The following CSMD1 variants were observed in gnomAD, a reference collection of about 807,000 sequenced individuals.
CSMD1 encodes the protein CUB and sushi domain-containing protein 1.
CSMD1 carries 213 observed loss-of-function variants against 417.5 expected under a neutral mutation model. The observed-to-expected ratio is 0.51, with a 90% CI of 0.46 to 0.57. The LOEUF is 0.57. CSMD1 is among the 20% of genes least tolerant of loss of function. The pLI, the probability that CSMD1 is intolerant of heterozygous loss-of-function variation, is 0.00. For synonymous variants in CSMD1, 2,862 were observed against 1,736.8 expected (o/e 1.65, Z -16.11); for missense variants, 6,923 against 4,529.7 (o/e 1.53, Z -15.17).
intron 54 of CSMD1, among the ~76,000 whole-genome samples, chr8:2,979,660 C>T (rs1373202274): frequency 6.6e-6 from 1 of 152,132 alleles, no homozygotes; most frequent in Non-Finnish European, 1.5e-5. Context: ...GAAGACAAAC[C>T]CTGTACCCAA....
intron 12 of CSMD1, among the ~76,000 whole-genome samples, chr8:3,416,779 G>C (rs1359494144): frequency 6.6e-6 from 1 of 152,216 alleles, no homozygotes; most frequent in Non-Finnish European, 1.5e-5. Flanking sequence ...CTACACTGCT[G>C]TGTGTTCTTT....
chr8:4,533,515 T>C (rs17070498), intron 2 of CSMD1, among the ~76,000 whole-genome samples: 18,255 of 152,172 alleles, frequency 0.12, 1,442 homozygotes, highest in Admixed American at 0.22. Flanking sequence ...TTGAAGAACA[T>C]AGTACAGACC....
At chr8:3,450,065 C>T (rs912570148) in intron 12 of CSMD1, among the ~76,000 whole-genome samples, 29 of 152,272 alleles carry the variant, frequency 1.9e-4, no homozygotes, top group African/African-American at 5.8e-4. Context: ...GAGACACATA[C>T]GAAATTCGGA....
chr8:3,802,818 C>A (rs968796384), intron 5 of CSMD1, among the ~76,000 whole-genome samples: 1 of 152,156 alleles, frequency 6.6e-6, no homozygotes, highest in African/African-American at 2.4e-5. Flanking sequence ...CGATTCGTTT[C>A]TCCATCAAGT....
chr8:4,132,489 A>G (rs1235839064), intron 3 of CSMD1, among the ~76,000 whole-genome samples: 4 of 152,212 alleles, frequency 2.6e-5, no homozygotes, highest in Non-Finnish European at 4.4e-5. Flanking sequence ...CATGGGTAGT[A>G]TAATACATTT....
chr8:3,666,079 A>G (rs1454051884), intron 7 of CSMD1, among the ~76,000 whole-genome samples: 5 of 152,154 alleles, frequency 3.3e-5, no homozygotes, highest in African/African-American at 1.2e-4. Context: ...TATCTGTAGT[A>G]GAGACAGTGT....
At chr8:3,694,304 T>TA (rs1800426234) in intron 7 of CSMD1, among the ~76,000 whole-genome samples, 2 of 152,004 alleles carry the variant, frequency 1.3e-5, no homozygotes, top group Admixed American at 1.3e-4. Flanking sequence ...AGACGTCGGC[T>TA]TCCAGGAGCA....
intron 41 of CSMD1, among the ~76,000 whole-genome samples, chr8:3,126,017 G>A (rs1359960367): frequency 1.3e-5 from 2 of 152,166 alleles, no homozygotes; most frequent in Non-Finnish European, 2.9e-5. Flanking sequence ...ATCAACACAT[G>A]AAGAAATCTA....
chr8:4,001,543 T>G (rs1256642511), intron 4 of CSMD1, among the ~76,000 whole-genome samples: 1 of 152,182 alleles, frequency 6.6e-6, no homozygotes. Flanking sequence ...TGAGCATACC[T>G]CACTGCCATG....
At chr8:3,674,166 A>G (rs1356170928) in intron 7 of CSMD1, among the ~76,000 whole-genome samples, 1 of 152,212 alleles carries the variant, frequency 6.6e-6, no homozygotes, top group Non-Finnish European at 1.5e-5. Flanking sequence ...AACATTCATA[A>G]TGAAGACTTC....
At chr8:3,211,985 A>G (rs755285227) in intron 30 of CSMD1, among the ~76,000 whole-genome samples, 1 of 152,148 alleles carries the variant, frequency 6.6e-6, no homozygotes, top group Non-Finnish European at 1.5e-5. Flanking sequence ...AGAGACTTCC[A>G]GCTGCCTCGT....
At chr8:4,309,814 CCTTA>C (rs1798457330) in intron 3 of CSMD1, among the ~76,000 whole-genome samples, 1 of 152,058 alleles carries the variant, frequency 6.6e-6, no homozygotes, top group Non-Finnish European at 1.5e-5. Flanking sequence ...GTCCCTTCGC[CCTTA>C]CTTCATTTTA....
intron 4 of CSMD1, among the ~76,000 whole-genome samples, chr8:4,000,102 C>A (rs947073033): frequency 6.6e-6 from 1 of 152,240 alleles, no homozygotes; most frequent in East Asian, 1.9e-4. Context: ...TCTGTCCTGC[C>A]CCCCGCCCTC....
intron 3 of CSMD1, among the ~76,000 whole-genome samples, chr8:4,246,117 T>C (rs147319768): frequency 1.3e-5 from 2 of 152,168 alleles, no homozygotes; most frequent in African/African-American, 2.4e-5. Context: ...ACAGATTATT[T>C]GATCACCCAG....
At chr8:4,289,659 G>C (rs78117857) in intron 3 of CSMD1, among the ~76,000 whole-genome samples, 2 of 152,142 alleles carry the variant, frequency 1.3e-5, no homozygotes, top group African/African-American at 2.4e-5. Context: ...CCATGGTCCT[G>C]AGTAACATGT....
At chr8:3,275,718 C>T (rs1314873143) in intron 26 of CSMD1, among the ~76,000 whole-genome samples, 4 of 152,212 alleles carry the variant, frequency 2.6e-5, no homozygotes, top group African/African-American at 7.2e-5. Context: ...CAGTTGATCG[C>T]ATCGGCTCCT....
chr8:4,793,359 A>T (rs996801015), intron 1 of CSMD1, among the ~76,000 whole-genome samples: 2 of 152,164 alleles, frequency 1.3e-5, no homozygotes, highest in East Asian at 1.9e-4. Context: ...CTACACTGAT[A>T]TCATTTTGAA....
intron 23 of CSMD1, among the ~76,000 whole-genome samples, chr8:3,328,511 C>G (rs1053987599): frequency 2.6e-5 from 4 of 152,204 alleles, no homozygotes; most frequent in African/African-American, 7.2e-5. Flanking sequence ...TGTGTTCAGA[C>G]TGTCATATGA....
At chr8:4,131,146 G>A (rs1188320053) in intron 3 of CSMD1, among the ~76,000 whole-genome samples, 2 of 152,074 alleles carry the variant, frequency 1.3e-5, no homozygotes, top group East Asian at 3.9e-4. Flanking sequence ...TAATCATAAT[G>A]TAGATTTTAG....
Sources: allele counts gnomAD v4.1 joint callset (sites outside exome capture counted in the v4.1 genomes callset), GRCh38; gene constraint gnomAD v4.1.1; transcripts MANE v1.5; gene names NCBI Gene and HGNC (gene_info 2026-07-23, HGNC 2026-07-21).